The following ADIG variants were observed in gnomAD, a reference collection of about 807,000 sequenced individuals.
ADIG encodes the protein adipogenesis associated.
ADIG carries 12 observed loss-of-function variants against 10.7 expected under a neutral mutation model. The observed-to-expected ratio is 1.12, with a 90% CI of 0.72 to 1.82. The LOEUF (loss-of-function observed/expected upper bound fraction) is 1.82. Among genes scored for constraint, ADIG ranks in the 40% most tolerant of loss-of-function variants. ADIG has a pLI of 0.00. For synonymous variants in ADIG, 32 were observed against 35.6 expected (o/e 0.90, Z 0.36); for missense variants, 72 against 92.5 (o/e 0.78, Z 0.91).
chr20:38,585,971 G>C (rs943358767), intron 1 of ADIG, 58 bp from the exon 2 acceptor site: 1 of 1,522,122 alleles, frequency 6.6e-7, no homozygotes, highest in Admixed American at 2.0e-5. Flanking sequence ...TCCTTCCTGG[G>C]TCAGGGGTAG....
At chr20:38,586,276 C>A in intron 2 of ADIG, 115 bp downstream of exon 2, 2 of 774,490 alleles carry the variant, frequency 2.6e-6, no homozygotes, top group Non-Finnish European at 4.1e-6. Context: ...CCTGGCCATG[C>A]TGGATGACGG....
intron 1 of ADIG, among the ~76,000 whole-genome samples, chr20:38,583,895 C>T (rs1234957239): frequency 6.6e-6 from 1 of 152,186 alleles, no homozygotes; most frequent in East Asian, 1.9e-4. Flanking sequence ...TTCTAAAACT[C>T]CCAGTATTAT....
intron 1 of ADIG, among the ~76,000 whole-genome samples, chr20:38,584,796 T>A (rs80171274): frequency 6.6e-6 from 1 of 152,172 alleles, no homozygotes; most frequent in Non-Finnish European, 1.5e-5. Flanking sequence ...TTTTTTTTTT[T>A]GAGACGGAGT....
In ADIG at chr20:38,581,225, T is replaced by C; in HGVS notation, c.-26T>C. 2.5e-6 allele frequency: 4 copies of C among 1,591,430 alleles called. No individual in the cohort carries two copies. Among genetic ancestry groups the C allele is most frequent in the Non-Finnish European group, 3.4e-6 (4 of 1,168,258 alleles). ...GCAGCCCTGCCAGCCCAGCCCAGGC[T>C]GGCCCAGCTTAGCCACACATGCGCC... On this transcript the variant is annotated 5_prime_UTR_variant, in exon 1 of 3. Coordinates refer to ENST00000537425, the MANE Select transcript of ADIG (RefSeq NM_001393816.1).
At chr20:38,588,028 A>G in intron 2 of ADIG, 73 bp from the exon 3 acceptor site, 4 of 1,221,376 alleles carry the variant, frequency 3.3e-6, no homozygotes, top group Non-Finnish European at 2.1e-6. Context: ...ATGAACCACC[A>G]CGTCTGGCCT....
At chr20:38,584,323 G>A (rs79255189) in intron 1 of ADIG, among the ~76,000 whole-genome samples, 18 of 152,224 alleles carry the variant, frequency 1.2e-4, no homozygotes, top group African/African-American at 3.9e-4. Flanking sequence ...TGGCCATAAG[G>A]TGGAGGAAGC....
At chr20:38,582,817 T>C (rs1375845095) in intron 1 of ADIG, among the ~76,000 whole-genome samples, 6 of 152,022 alleles carry the variant, frequency 3.9e-5, no homozygotes, top group African/African-American at 1.4e-4. Context: ...CATCCTTTTT[T>C]TTTTATTTTT....
intron 1 of ADIG, among the ~76,000 whole-genome samples, chr20:38,584,148 C>T (rs980106476): frequency 2.6e-5 from 4 of 152,040 alleles, no homozygotes; most frequent in East Asian, 3.9e-4. Context: ...GAGGGTTAAG[C>T]GTGGAATACC....
chr20:38,581,200 G>A lies in ADIG; in HGVS notation c.-51G>A. The stretch of plus-strand genomic sequence containing the variant: ...GGCCCAGCCTGCCAGGTCCCATGGG[G>A]CAGCCCTGCCAGCCCAGCCCAGGCT... On this transcript the variant is annotated 5_prime_UTR_variant, in exon 1 of 3. Transcript: ENST00000537425. 1.3e-6 allele frequency: 2 copies of A among 1,565,726 alleles called. No individual in the cohort carries two copies. The highest frequency in any genetic ancestry group is 1.7e-6 in the Non-Finnish European group (2 of 1,154,488).
intron 1 of ADIG, chr20:38,585,552 C>A (rs1041993946): frequency 6.5e-7 from 1 of 1,546,986 alleles, no homozygotes; most frequent in Admixed American, 2.0e-5. Flanking sequence ...GCTTAGTCAC[C>A]CAGATCTCTC....
At position 38,586,888 on chromosome 20, in the gene ADIG, G is replaced by A. The variant is rs192516459; in HGVS notation, c.*14+727G>A. Among the ~76,000 whole-genome samples the A allele has an allele frequency of 7.5e-5, 11 of 145,770 alleles. No individual in the cohort carries two copies. In the East Asian group the frequency reaches 8.0e-4, roughly 11 times the overall value. On this transcript the variant is annotated intron_variant, in intron 2 of 2. Transcript: ENST00000537425. ...GCACACACACATACTCTCATGTGAG[G>A]TGTCAGGGCAATCAGATGCTGTACC...
At chr20:38,586,724 A>G (rs937413958) in intron 2 of ADIG, among the ~76,000 whole-genome samples, 3 of 152,046 alleles carry the variant, frequency 2.0e-5, no homozygotes, top group Non-Finnish European at 4.4e-5. Flanking sequence ...ACATGATATT[A>G]TTATTATTAT....
At chr20:38,583,246 ATACT>A (rs780137975) in intron 1 of ADIG, among the ~76,000 whole-genome samples, 16 of 152,366 alleles carry the variant, frequency 1.1e-4, no homozygotes, top group East Asian at 3.9e-4. Flanking sequence ...CTGCTTAATA[ATACT>A]TAATAATATC....
chr20:38,585,800 T>A (rs2088630956), intron 1 of ADIG: 1 of 607,848 alleles, frequency 1.6e-6, no homozygotes, highest in South Asian at 2.0e-5. Context: ...CCCCTCTAGA[T>A]ACGGCCATTT....
At chr20:38,586,649 C>T (rs1429378315) in intron 2 of ADIG, among the ~76,000 whole-genome samples, 2 of 152,194 alleles carry the variant, frequency 1.3e-5, no homozygotes, top group Non-Finnish European at 1.5e-5. Context: ...ATCGTGGCTG[C>T]ATCCAAAGCC....
intron 1 of ADIG, among the ~76,000 whole-genome samples, chr20:38,585,073 C>A (rs1449046013): frequency 6.6e-6 from 1 of 152,234 alleles, no homozygotes; most frequent in Non-Finnish European, 1.5e-5. Flanking sequence ...CTGTGCCCGG[C>A]CCCTACTGAC....
rs116386477 is a variant in ADIG, at chr20:38,585,634, G to A, written c.125-395G>A. The A allele has an allele frequency of 1.2e-4, 129 of 1,115,416 alleles. No homozygotes were observed. The African/African-American group carries it at 1.8e-3, about 16-fold the overall frequency. The allele number at this position is 1,115,416 out of a possible 1,614,324, so 69.1% of individuals were successfully genotyped here. On this transcript the variant is annotated intron_variant, in intron 1 of 2. Transcript: ENST00000537425. Reference sequence around the variant, plus strand: ...GTGTGCGTGTTTCATCACAAAACAGGGCTACAGTGGAGATCATTGTGCCTT... The same window carrying A: ...GTGTGCGTGTTTCATCACAAAACAGAGCTACAGTGGAGATCATTGTGCCTT...
rs947949898 is a variant in ADIG at position 38,588,372 on chromosome 20, A to T, written c.*286A>T. 5 of 1,292,822 alleles carry T rather than the reference A, an allele frequency of 3.9e-6. No individual in the cohort carries two copies. Among genetic ancestry groups the T allele is most frequent in the Non-Finnish European group, 5.1e-6 (5 of 983,150 alleles). 80.1% of individuals were successfully genotyped at this position (1,292,822 alleles called of 1,614,324 possible). On this transcript the variant is annotated 3_prime_UTR_variant, in exon 3 of 3. Transcript: ENST00000537425. ...GGAGAAATTGGCCAATTTAATTCAG[A>T]GGGGTCTTAAAGCAGGGCTGGGCCG...
In ADIG at chr20:38,588,184, C is replaced by T; in HGVS notation, c.*98C>T. On this transcript the variant is annotated 3_prime_UTR_variant, in exon 3 of 3. Coordinates refer to ENST00000537425, the MANE Select transcript of ADIG (RefSeq NM_001393816.1). ...TGCCAGGGAGGCAAGAGGACTTTGG[C>T]AACTGTGGTGCCTCCCTGGAACCCC... 7.7e-7 allele frequency: 1 copy of T among 1,304,780 alleles called. No individual in the cohort carries two copies. The highest frequency in any genetic ancestry group is 1.0e-6 in the Non-Finnish European group (1 of 988,948). 80.8% of individuals were successfully genotyped at this position (1,304,780 alleles called of 1,614,324 possible). A position where few individuals can be genotyped will look rare whatever the true frequency, so the allele number is the denominator to read the frequency against.
Sources: allele counts gnomAD v4.1 joint callset (sites outside exome capture counted in the v4.1 genomes callset), GRCh38; gene constraint gnomAD v4.1.1; transcripts MANE v1.5; gene names NCBI Gene and HGNC (gene_info 2026-07-23, HGNC 2026-07-21).